TBPL1: variants seen among roughly 807,000 people sequenced by gnomAD.
TBPL1 encodes TATA-box binding protein like 1.
Under a neutral mutation model 22.1 loss-of-function variants are expected in TBPL1, and 4 were observed. That is an observed-to-expected ratio of 0.18 (90% CI 0.09 to 0.41). The LOEUF is 0.41. TBPL1 is among the 10% of genes least tolerant of loss of function. The probability of loss-of-function intolerance (pLI) is 1.00; values close to 1 mark genes in which losing one functional copy is unlikely to be tolerated. For synonymous variants in TBPL1, 64 were observed against 71.0 expected (o/e 0.90, Z 0.50); for missense variants, 115 against 222.3 (o/e 0.52, Z 3.07).
chr6:133,955,724 T>A (rs1033810046), intron 1 of TBPL1, among the ~76,000 whole-genome samples: 20 of 152,216 alleles, frequency 1.3e-4, no homozygotes, highest in African/African-American at 4.3e-4. Context: ...GGTCACTTTT[T>A]AAAAAAGTAT....
chr6:133,977,215 T>C (rs1776330220), intron 1 of TBPL1, among the ~76,000 whole-genome samples: 1 of 152,192 alleles, frequency 6.6e-6, no homozygotes, highest in South Asian at 2.1e-4. Flanking sequence ...ACTTTTTATA[T>C]TGCATCTTTA....
At chr6:133,962,088 C>G (rs967254372) in intron 1 of TBPL1, among the ~76,000 whole-genome samples, 1 of 151,950 alleles carries the variant, frequency 6.6e-6, no homozygotes, top group Non-Finnish European at 1.5e-5. Context: ...TATAAAACCG[C>G]GAAACAGTCT....
intron 1 of TBPL1, among the ~76,000 whole-genome samples, chr6:133,972,373 G>A (rs1317668393): frequency 6.6e-6 from 1 of 152,152 alleles, no homozygotes; most frequent in Non-Finnish European, 1.5e-5. Context: ...CAAGGACCAT[G>A]TTATACAGAC....
At chr6:133,969,367 T>A (rs1265727878) in intron 1 of TBPL1, among the ~76,000 whole-genome samples, 1 of 150,740 alleles carries the variant, frequency 6.6e-6, no homozygotes, top group East Asian at 2.0e-4. Context: ...TTTTTAACCA[T>A]AATTCACTTT....
rs141065212 is a variant in TBPL1, at chr6:133,982,973, G to A, written c.282+93G>A. 235 of 1,157,890 alleles carry A rather than the reference G, an allele frequency of 2.0e-4. 1 individual carries two copies. Among genetic ancestry groups the A allele is most frequent in the South Asian group, 5.4e-4 (33 of 61,112 alleles). 71.7% of individuals were successfully genotyped at this position (1,157,890 alleles called of 1,614,324 possible). On this transcript the variant is annotated intron_variant, in intron 4 of 6. Transcript: ENST00000237264. ...TAATAGACTCAAGAAATCACTATGC[G>A]TACTATTCTTATGATTAAACTTTTT...
intron 1 of TBPL1, among the ~76,000 whole-genome samples, chr6:133,976,923 G>T: frequency 6.7e-6 from 1 of 149,672 alleles, no homozygotes; most frequent in Admixed American, 6.7e-5. Context: ...AGCCAAGATC[G>T]CGTCACAGCC....
chr6:133,989,918 T>A lies in TBPL1; in HGVS notation c.*2878T>A, dbSNP rs1776597617. On this transcript the variant is annotated 3_prime_UTR_variant, in exon 7 of 7. Transcript: ENST00000237264. ...GTTAGGTTGTTCGTGCTTTTAAGTT[T>A]TTTGTGTGTCTTCCATCACTTAAAT... The A allele has an allele frequency of 6.6e-6, 1 of 152,230 alleles. No homozygotes were observed. The highest frequency in any genetic ancestry group is 1.5e-5 in the Non-Finnish European group (1 of 68,044). 9.4% of individuals were successfully genotyped at this position (152,230 alleles called of 1,614,324 possible). A position where few individuals can be genotyped will look rare whatever the true frequency, so the allele number is the denominator to read the frequency against.
At chr6:133,961,261 C>G in intron 1 of TBPL1, among the ~76,000 whole-genome samples, 1 of 152,058 alleles carries the variant, frequency 6.6e-6, no homozygotes, top group East Asian at 1.9e-4. Flanking sequence ...GACCAAATGC[C>G]AGCAATTCAG....
chr6:133,985,297 AATATATATATATATATATATATATATAT>A lies in TBPL1; in HGVS notation c.481+640_481+667del, dbSNP rs3068194. On this transcript the variant is annotated intron_variant, in intron 6 of 6. Transcript: ENST00000237264. ...TGTCTAAAAAAAAAAAAAAAAAAAA[AATATATATATATATATATATATATATAT>A]ATATATATATATACACACATATATT... Among the ~76,000 whole-genome samples, 18 of 42,916 alleles carry A rather than the reference AATATATATATATATATATATATATATAT, an allele frequency of 4.2e-4. 2 individuals carry two copies. The highest frequency in any genetic ancestry group is 7.1e-4 in the Admixed American group (2 of 2,820). The allele number at this position is 42,916 out of a possible 152,430, so 28.2% of individuals were successfully genotyped here. A position where few individuals can be genotyped will look rare whatever the true frequency, so the allele number is the denominator to read the frequency against.
At chr6:133,978,986 CAA>C (rs1776362788) in intron 1 of TBPL1, among the ~76,000 whole-genome samples, 1 of 152,046 alleles carries the variant, frequency 6.6e-6, no homozygotes, top group Non-Finnish European at 1.5e-5. Context: ...TGTGAAAATG[CAA>C]AGAGAGAATT....
intron 2 of TBPL1, among the ~76,000 whole-genome samples, chr6:133,981,858 C>G (rs1776418952): frequency 1.3e-5 from 2 of 152,190 alleles, no homozygotes; most frequent in African/African-American, 2.4e-5. Context: ...TTTCTTGGAG[C>G]TTAGTCCTTG....
At chr6:133,964,385 T>C (rs1277276748) in intron 1 of TBPL1, among the ~76,000 whole-genome samples, 1 of 151,984 alleles carries the variant, frequency 6.6e-6, no homozygotes, top group Admixed American at 6.5e-5. Flanking sequence ...TATTTTGTAC[T>C]GTTTTTTAAA....
chr6:133,971,282 T>C (rs1776217012), intron 1 of TBPL1, among the ~76,000 whole-genome samples: 2 of 152,192 alleles, frequency 1.3e-5, no homozygotes, highest in African/African-American at 4.8e-5. Flanking sequence ...TACAGCTGAA[T>C]AATATTCACA....
chr6:133,977,143 C>T (rs778656739), intron 1 of TBPL1, among the ~76,000 whole-genome samples: 2 of 151,940 alleles, frequency 1.3e-5, no homozygotes, highest in Non-Finnish European at 2.9e-5. Context: ...GCAAGTGGAC[C>T]TTTTTTCATG....
chr6:133,959,133 A>C (rs1775976035), intron 1 of TBPL1, among the ~76,000 whole-genome samples: 1 of 151,936 alleles, frequency 6.6e-6, no homozygotes, highest in South Asian at 2.1e-4. Flanking sequence ...TCGGCTTCCC[A>C]GGTTCAAGTG....
intron 4 of TBPL1, among the ~76,000 whole-genome samples, chr6:133,983,641 C>T (rs1776455189): frequency 6.6e-6 from 1 of 152,072 alleles, no homozygotes; most frequent in African/African-American, 2.4e-5. Flanking sequence ...TTTGCGGTTT[C>T]CTGGCTTTGC....
chr6:133,982,539 T>C, intron 2 of TBPL1, 29 bp from the exon 3 acceptor site: 3 of 1,588,512 alleles, frequency 1.9e-6, no homozygotes, highest in Non-Finnish European at 2.6e-6. Context: ...ATAATGCTTA[T>C]GAGGTAATCA....
chr6:133,966,776 C>G (rs1435123346), intron 1 of TBPL1, among the ~76,000 whole-genome samples: 1 of 151,604 alleles, frequency 6.6e-6, no homozygotes. Flanking sequence ...CACTCTATCT[C>G]TTAAAACTGC....
intron 6 of TBPL1, among the ~76,000 whole-genome samples, chr6:133,986,303 T>C (rs1243946790): frequency 6.6e-6 from 1 of 152,232 alleles, no homozygotes; most frequent in East Asian, 1.9e-4. Context: ...GTTTTCATTG[T>C]CCTTTTTTAT....
Sources: gnomAD v4.1 joint callset for allele counts (sites outside exome capture counted in the v4.1 genomes callset) on GRCh38, gnomAD v4.1.1 for gene constraint, MANE v1.5 for transcripts, NCBI Gene and HGNC (gene_info 2026-07-23, HGNC 2026-07-21) for gene names.